ASTN1: variants seen among roughly 807,000 people sequenced by gnomAD.
ASTN1 encodes astrotactin-1.
Under a neutral mutation model 140.7 loss-of-function variants are expected in ASTN1, and 41 were observed. The observed-to-expected ratio is 0.29, with a 90% CI of 0.23 to 0.38. The LOEUF (loss-of-function observed/expected upper bound fraction) is 0.38, where lower values mean the gene tolerates loss of function less well. Ranked by LOEUF, ASTN1 falls within the 10% of genes least tolerant of loss-of-function variation. The pLI is 1.00. For synonymous variants in ASTN1, 640 were observed against 652.2 expected, an observed-to-expected ratio of 0.98 and a Z score of 0.29; for missense variants, 1,479 against 1,678.8, an observed-to-expected ratio of 0.88 and a Z score of 2.08.
intron 7 of ASTN1, among the ~76,000 whole-genome samples, chr1:177,016,708 C>T (rs916835013): frequency 8.5e-5 from 13 of 152,114 alleles, no homozygotes; most frequent in African/African-American, 3.1e-4. Flanking sequence ...GGTTAGTCTT[C>T]CCCCATATGA....
At chr1:177,097,009 C>T (rs1044746308) in intron 1 of ASTN1, among the ~76,000 whole-genome samples, 8 of 151,920 alleles carry the variant, frequency 5.3e-5, no homozygotes, top group African/African-American at 1.7e-4. Context: ...TTGGACTTCT[C>T]AGCCTCCACA....
At chr1:177,144,796 A>G (rs940371717) in intron 1 of ASTN1, among the ~76,000 whole-genome samples, 3 of 152,052 alleles carry the variant, frequency 2.0e-5, no homozygotes, top group African/African-American at 7.2e-5. Flanking sequence ...CTAGCATCCC[A>G]GTCTGCTGCA....
chr1:177,138,748 T>C (rs1159665261), intron 1 of ASTN1, among the ~76,000 whole-genome samples: 2 of 152,068 alleles, frequency 1.3e-5, no homozygotes, highest in African/African-American at 2.4e-5. Flanking sequence ...AAGGAAAGAG[T>C]GCTTGGGTGC....
At chr1:177,074,405 G>A (rs1333021524) in intron 1 of ASTN1, among the ~76,000 whole-genome samples, 6 of 152,098 alleles carry the variant, frequency 3.9e-5, no homozygotes, top group Non-Finnish European at 5.9e-5. Flanking sequence ...GATCTTAAAG[G>A]GAGGATCTAT....
chr1:177,155,038 C>G (rs963173223), intron 1 of ASTN1, among the ~76,000 whole-genome samples: 4 of 152,060 alleles, frequency 2.6e-5, no homozygotes, highest in African/African-American at 9.7e-5. Flanking sequence ...AATAACTGAG[C>G]TATCAAGCCA....
At chr1:176,976,168 A>T (rs1239457973) in intron 8 of ASTN1, 1 of 152,202 alleles carries the variant, frequency 6.6e-6, no homozygotes, top group Non-Finnish European at 1.5e-5. Flanking sequence ...GAGGATCAAC[A>T]GTTCCATGAA....
intron 17 of ASTN1, among the ~76,000 whole-genome samples, chr1:176,889,181 G>C (rs1669161889): frequency 6.6e-6 from 1 of 152,256 alleles, no homozygotes; most frequent in Non-Finnish European, 1.5e-5. Context: ...AATAGGGCCA[G>C]TCCCTGGTGG....
At chr1:177,129,036 C>G (rs1558116304) in intron 1 of ASTN1, among the ~76,000 whole-genome samples, 1 of 152,138 alleles carries the variant, frequency 6.6e-6, no homozygotes, top group South Asian at 2.1e-4. Flanking sequence ...TTTAAGAAGA[C>G]CAGGTCAGTA....
intron 5 of ASTN1, 140 bp from the exon 6 acceptor site, chr1:177,024,872 C>T: frequency 3.1e-6 from 3 of 953,850 alleles, no homozygotes; most frequent in South Asian, 3.5e-5. Context: ...TCTCTGGCTG[C>T]ATGACCTCAG....
At chr1:176,920,205 C>T (rs1470027221) in intron 16 of ASTN1, among the ~76,000 whole-genome samples, 1 of 152,150 alleles carries the variant, frequency 6.6e-6, no homozygotes, top group Non-Finnish European at 1.5e-5. Flanking sequence ...TTAGTGGAAC[C>T]ATCTCCTGCT....
chr1:177,110,319 G>A (rs1490134823), intron 1 of ASTN1, among the ~76,000 whole-genome samples: 1 of 152,202 alleles, frequency 6.6e-6, no homozygotes, highest in African/African-American at 2.4e-5. Context: ...GTTCCTAAGT[G>A]TAAAAATAAG....
intron 8 of ASTN1, among the ~76,000 whole-genome samples, chr1:177,001,767 G>T (rs1009635274): frequency 8.5e-5 from 13 of 152,224 alleles, no homozygotes; most frequent in Admixed American, 8.5e-4. Context: ...TGTAGGGGGT[G>T]CTATAATAAT....
At chr1:176,910,835 G>A (rs929960504) in intron 16 of ASTN1, among the ~76,000 whole-genome samples, 3 of 152,160 alleles carry the variant, frequency 2.0e-5, no homozygotes, top group Admixed American at 6.5e-5. Context: ...TCACATCAGC[G>A]GTGGCATTAG....
chr1:176,902,986 G>T (rs1385074110), intron 16 of ASTN1, among the ~76,000 whole-genome samples: 1 of 152,170 alleles, frequency 6.6e-6, no homozygotes, highest in African/African-American at 2.4e-5. Context: ...TTCCCAGTGG[G>T]CAAGAAGCTG....
intron 8 of ASTN1, among the ~76,000 whole-genome samples, chr1:177,008,565 G>A (rs1291378272): frequency 6.7e-6 from 1 of 149,850 alleles, no homozygotes; most frequent in Admixed American, 6.7e-5. Flanking sequence ...GAGCAAGAGA[G>A]GGAGGAAGAG....
At chr1:177,092,063 T>C (rs1679782439) in intron 1 of ASTN1, among the ~76,000 whole-genome samples, 1 of 152,230 alleles carries the variant, frequency 6.6e-6, no homozygotes. Context: ...GTTTAACTTT[T>C]TGAAGAAATG....
chr1:177,095,952 T>A (rs980341761), intron 1 of ASTN1, among the ~76,000 whole-genome samples: 1 of 152,164 alleles, frequency 6.6e-6, no homozygotes, highest in Non-Finnish European at 1.5e-5. Flanking sequence ...CTAGCCCCAG[T>A]GTTTTCTGAA....
chr1:177,100,920 C>T (rs982364560), intron 1 of ASTN1, among the ~76,000 whole-genome samples: 2 of 152,082 alleles, frequency 1.3e-5, no homozygotes, highest in Non-Finnish European at 2.9e-5. Context: ...TGGTAAAACT[C>T]CGTCTCTAAT....
At chr1:176,909,005 C>T (rs1249510815) in intron 16 of ASTN1, among the ~76,000 whole-genome samples, 1 of 152,190 alleles carries the variant, frequency 6.6e-6, no homozygotes, top group African/African-American at 2.4e-5. Context: ...CAGAAGTCTC[C>T]TACAGTGGTG....
Sources: gnomAD v4.1 joint callset for allele counts (sites outside exome capture counted in the v4.1 genomes callset) on GRCh38, gnomAD v4.1.1 for gene constraint, MANE v1.5 for transcripts, NCBI Gene and HGNC (gene_info 2026-07-23, HGNC 2026-07-21) for gene names.